IGFBP5: variants seen among roughly 807,000 people sequenced by gnomAD.
IGFBP5 encodes the protein insulin like growth factor binding protein 5, also known as insulin-like growth factor-binding protein 5.
In IGFBP5, 12 loss-of-function variants were observed where a neutral mutation model predicts 28.0. The ratio of observed to expected loss-of-function variants is 0.43; its 90% confidence interval spans 0.27 to 0.69. The LOEUF is 0.69. IGFBP5 is among the 30% of genes least tolerant of loss of function. IGFBP5 has a pLI of 0.20. For synonymous variants in IGFBP5, 152 were observed against 150.2 expected (o/e 1.01, Z -0.09); for missense variants, 344 against 381.6 (o/e 0.90, Z 0.82).
At chr2:216,688,546 GTT>G (rs1689056912) in intron 1 of IGFBP5, among the ~76,000 whole-genome samples, 1 of 152,140 alleles carries the variant, frequency 6.6e-6, no homozygotes, top group Non-Finnish European at 1.5e-5. Flanking sequence ...TGGAAGTGCT[GTT>G]CTAAATGATC....
chr2:216,694,073 T>G lies in IGFBP5; in HGVS notation c.337+366A>C, dbSNP rs1574584682. On this transcript the variant is annotated intron_variant, in intron 1 of 3. Transcript: ENST00000233813. The surrounding 1 kb of genome is among the most constrained non-coding windows in gnomAD (Gnocchi z 5.2). ...AAACCTATGCGGGGCGCGAGGGGGG[T>G]GGAGGAGGGAGTTGATAATGTAACA... 6.8e-6 allele frequency among the ~76,000 whole-genome samples: 1 copy of G among 147,428 alleles called. No homozygotes were observed. The highest frequency in any genetic ancestry group is 1.5e-5 in the Non-Finnish European group (1 of 66,974).
At chr2:216,678,592 A>G (rs1688932509) in intron 2 of IGFBP5, among the ~76,000 whole-genome samples, 1 of 152,138 alleles carries the variant, frequency 6.6e-6, no homozygotes, top group Admixed American at 6.5e-5. Flanking sequence ...GGGCCCAGGT[A>G]CCTGGTACGT....
rs1465282562 is a variant in IGFBP5 at position 216,692,005 on chromosome 2, G to T, written c.337+2434C>A. On this transcript the variant is annotated intron_variant, in intron 1 of 3. Coordinates refer to ENST00000233813, the MANE Select transcript of IGFBP5 (RefSeq NM_000599.4). The surrounding 1 kb of genome is among the most constrained non-coding windows in gnomAD (Gnocchi z 4.2). ...GGAATTTTGGCTAAAGGACCAAAAG[G>T]GCACTCTCCCTCTCTCTGTCCATTT... 6.6e-6 allele frequency among the ~76,000 whole-genome samples: 1 copy of T among 151,702 alleles called. No individual in the cohort carries two copies. The highest frequency in any genetic ancestry group is 1.5e-5 in the Non-Finnish European group (1 of 67,958).
intron 1 of IGFBP5, among the ~76,000 whole-genome samples, chr2:216,691,261 G>A (rs148978127): frequency 1.3e-5 from 2 of 152,052 alleles, no homozygotes; most frequent in East Asian, 1.9e-4. Context: ...TTTGTCCCAC[G>A]GTGTCTCATT....
In IGFBP5 at chr2:216,676,894, A is replaced by G. The variant is rs1391511091; in HGVS notation, c.688-12T>C. On this transcript the variant is annotated splice_polypyrimidine_tract_variant and intron_variant, in intron 3 of 3. Coordinates refer to ENST00000233813, the MANE Select transcript of IGFBP5 (RefSeq NM_000599.4). The stretch of plus-strand genomic sequence containing the variant: ...CGGGAAGGTTTGCACTGGGGTGAGT[A>G]GAGCAACAGGCGGTGAGGACGGCCG... 1 of 1,613,522 alleles carries G rather than the reference A, an allele frequency of 6.2e-7. No homozygotes were observed. Among genetic ancestry groups the G allele is most frequent in the South Asian group, 1.1e-5 (1 of 90,982 alleles).
intron 2 of IGFBP5, 38 bp from the exon 3 acceptor site, chr2:216,678,269 A>G: frequency 1.4e-6 from 2 of 1,479,612 alleles, no homozygotes; most frequent in East Asian, 4.9e-5. Flanking sequence ...GGCGAGACCA[A>G]GGGAAAACCA....
chr2:216,686,141 G>GC (rs1259076707), intron 1 of IGFBP5, among the ~76,000 whole-genome samples: 2 of 152,144 alleles, frequency 1.3e-5, no homozygotes, highest in Non-Finnish European at 2.9e-5. Flanking sequence ...ACCCAGCTGA[G>GC]CCCCCCTACC....
rs1689105915 is a variant in IGFBP5, at chr2:216,692,147, A to G, written c.337+2292T>C. Among the ~76,000 whole-genome samples, 1 of 152,106 alleles carries G rather than the reference A, an allele frequency of 6.6e-6. No individual in the cohort carries two copies. The highest frequency in any genetic ancestry group is 6.5e-5 in the Admixed American group (1 of 15,280). On this transcript the variant is annotated intron_variant, in intron 1 of 3. Transcript: ENST00000233813. The surrounding 1 kb of genome is among the most constrained non-coding windows in gnomAD (Gnocchi z 4.2). ...CCACTCCCATCCCATCTGTTCGGGA[A>G]GAAGATGTCGGCACCAGCAGCGGTG...
Position 216,676,719 on chromosome 2 carries a change from AG to A in IGFBP5, c.*31del. ...GGCTGGAGTCGGGGCTGGGGGTGGG[AG>A]GGGGTGAGGGAAAGGTTGGGGGGGG... On this transcript the variant is annotated 3_prime_UTR_variant, in exon 4 of 4. Transcript: ENST00000233813. The A allele has an allele frequency of 4.0e-6, 4 of 1,011,216 alleles. No homozygotes were observed. The highest frequency in any genetic ancestry group is 5.2e-6 in the Non-Finnish European group (4 of 776,266). The allele number at this position is 1,011,216 out of a possible 1,614,324, so 62.6% of individuals were successfully genotyped here.
chr2:216,677,115 T>G (rs1012775208), intron 3 of IGFBP5, among the ~76,000 whole-genome samples: 1 of 152,054 alleles, frequency 6.6e-6, no homozygotes, highest in East Asian at 1.9e-4. Flanking sequence ...TTCCTTTTTT[T>G]TTTTTCAGAC....
rs1025013745 is a variant in IGFBP5 at position 216,674,334 on chromosome 2, G to A, written c.*2417C>T. ...GCAGAGAGATGGGGCATGCTGACTC[G>A]GCAGGTCAAGGCCTTGTGGCTGCTG... On this transcript the variant is annotated 3_prime_UTR_variant, in exon 4 of 4. Coordinates refer to ENST00000233813, the MANE Select transcript of IGFBP5 (RefSeq NM_000599.4). This position sits in a 1 kb window ranked among gnomAD's most constrained non-coding sequence, Gnocchi z 4.4. 1.1e-4 allele frequency: 17 copies of A among 153,536 alleles called. No homozygotes were observed. The highest frequency in any genetic ancestry group is 2.6e-4 in the Admixed American group (4 of 15,300). The allele number at this position is 153,536 out of a possible 1,614,324, so 9.5% of individuals were successfully genotyped here.
chr2:216,678,995 T>C lies in IGFBP5; in HGVS notation c.422A>G (p.His141Arg), dbSNP rs1049312759. Residue 141 changes from histidine to arginine, a missense_variant, in exon 2 of 4, where the codon CAC becomes CGC. His to Arg is a conservative substitution (Grantham distance 29). Around this residue, in one of 3 missense-constraint regions of IGFBP5, gnomAD observed 304 missense variants for 329.2 expected, o/e 0.92. Transcript: ENST00000233813. ...AGCCTTCAGCTCGGAGATGCGGGTGTGTTTGGGCCGGAAGATCTTGGGGGA... is the reference window on the plus strand; with the variant it reads ...AGCCTTCAGCTCGGAGATGCGGGTGCGTTTGGGCCGGAAGATCTTGGGGGA... ...TYSPKIFRPK[H>R]TRISELKAEA... 6.2e-7 allele frequency: 1 copy of C among 1,614,004 alleles called. No homozygotes were observed. Among genetic ancestry groups the C allele is most frequent in the Middle Eastern group, 1.6e-4 (1 of 6,062 alleles).
At chr2:216,690,725 T>TG (rs1689084907) in intron 1 of IGFBP5, among the ~76,000 whole-genome samples, 3 of 7,560 alleles carry the variant, frequency 4.0e-4, no homozygotes, top group South Asian at 4.8e-3. Flanking sequence ...AGAGTTGGGG[T>TG]GGGGGGTCGG....
At position 216,675,147 on chromosome 2, in the gene IGFBP5, GC is replaced by G. The variant is rs1482610092; in HGVS notation, c.*1603del. On this transcript the variant is annotated 3_prime_UTR_variant, in exon 4 of 4. Transcript: ENST00000233813. ...TGCCAAAGCTAGAATGGAACAGTCAGCCCCCTCTCCCTTCAGCCCTCTGTTC... is the reference window on the plus strand; with the variant it reads ...TGCCAAAGCTAGAATGGAACAGTCAGCCCCTCTCCCTTCAGCCCTCTGTTC... 2.6e-5 allele frequency: 4 copies of G among 152,188 alleles called. No homozygotes were observed. The highest frequency in any genetic ancestry group is 9.7e-5 in the African/African-American group (4 of 41,402). The allele number at this position is 152,188 out of a possible 1,614,324, so 9.4% of individuals were successfully genotyped here. A position where few individuals can be genotyped will look rare whatever the true frequency, so the allele number is the denominator to read the frequency against.
chr2:216,679,054 C>T lies in IGFBP5; in HGVS notation c.363G>A (p.Glu121=). The change falls in exon 2 of 4, where the codon GAG becomes GAA. Residue 121 remains glutamate, a synonymous_variant. Coordinates refer to ENST00000233813, the MANE Select transcript of IGFBP5 (RefSeq NM_000599.4). This position sits in a 1 kb window ranked among gnomAD's most constrained non-coding sequence, Gnocchi z 4.6. The part of the protein sequence containing the change: ...KIERDSREHE[E]PTTSEMAEET... Reference sequence around the variant, plus strand: ...CCTCGGCCATCTCAGAGGTGGTGGGCTCCTCGTGCTCACGGGAGTCTCTCT... The same window carrying T: ...CCTCGGCCATCTCAGAGGTGGTGGGTTCCTCGTGCTCACGGGAGTCTCTCT... 1 of 1,614,180 alleles carries T rather than the reference C, an allele frequency of 6.2e-7. No homozygotes were observed. The highest frequency in any genetic ancestry group is 8.5e-7 in the Non-Finnish European group (1 of 1,180,040).
In IGFBP5 at chr2:216,678,138, G is replaced by A. The variant is rs780625278; in HGVS notation, c.661C>T (p.Arg221Cys). 11 of 1,566,980 alleles carry A rather than the reference G, an allele frequency of 7.0e-6. No homozygotes were observed. The highest frequency in any genetic ancestry group is 5.9e-5 in the South Asian group (5 of 84,478). Residue 221 changes from arginine to cysteine, a missense_variant, in exon 3 of 4, where the codon CGC (arginine) becomes TGC (cysteine). Physicochemically the swap from Arg to Cys is radical, Grantham distance 180. Coordinates refer to ENST00000233813, the MANE Select transcript of IGFBP5 (RefSeq NM_000599.4). Reference sequence around the variant, plus strand: ...TGCTTTCTCTTGTAGAATCCTTTGCGGTCACAATTGGGCAGGTACACAGCA... The same window carrying A: ...TGCTTTCTCTTGTAGAATCCTTTGCAGTCACAATTGGGCAGGTACACAGCA... Reference protein sequence around the residue: ...PRAVYLPNCDRKGFYKRKQCK... With the variant: ...PRAVYLPNCDCKGFYKRKQCK...
chr2:216,676,914 C>T (rs750637238), intron 3 of IGFBP5, 32 bp from the exon 4 acceptor site: 65 of 1,609,828 alleles, frequency 4.0e-5, no homozygotes, highest in South Asian at 2.1e-4. Flanking sequence ...GCGGTGAGGA[C>T]GGCCGCACCC....
chr2:216,675,142 A>G lies in IGFBP5; in HGVS notation c.*1609T>C, dbSNP rs1341644334. On this transcript the variant is annotated 3_prime_UTR_variant, in exon 4 of 4. Coordinates refer to ENST00000233813, the MANE Select transcript of IGFBP5 (RefSeq NM_000599.4). The stretch of plus-strand genomic sequence containing the variant: ...CTTTGTGCCAAAGCTAGAATGGAAC[A>G]GTCAGCCCCCTCTCCCTTCAGCCCT... 3.3e-5 allele frequency: 5 copies of G among 152,214 alleles called. No individual in the cohort carries two copies. The highest frequency in any genetic ancestry group is 3.3e-4 in the Admixed American group (5 of 15,272). 9.4% of individuals were successfully genotyped at this position (152,214 alleles called of 1,614,324 possible). A position where few individuals can be genotyped will look rare whatever the true frequency, so the allele number is the denominator to read the frequency against.
At chr2:216,686,314 C>T (rs1329117623) in intron 1 of IGFBP5, among the ~76,000 whole-genome samples, 2 of 152,146 alleles carry the variant, frequency 1.3e-5, no homozygotes, top group Non-Finnish European at 2.9e-5. Context: ...GGTTCAAATC[C>T]CAGCTCCACT....
Sources: gnomAD v4.1 joint callset for allele counts (sites outside exome capture counted in the v4.1 genomes callset) on GRCh38, gnomAD v4.1.1 for gene constraint, gnomAD v4.1.1 regional missense constraint, Gnocchi (gnomAD v3.1) non-coding constraint, MANE v1.5 for transcripts, NCBI Gene and HGNC (gene_info 2026-07-23, HGNC 2026-07-21) for gene names.